The following BICD1 variants were observed in gnomAD, a reference collection of about 807,000 sequenced individuals.
BICD1 encodes protein bicaudal D homolog 1.
Under a neutral mutation model 92.5 loss-of-function variants are expected in BICD1, and 35 were observed. That is an observed-to-expected ratio of 0.38 (90% CI 0.29 to 0.50). The LOEUF (loss-of-function observed/expected upper bound fraction) is 0.50. BICD1 is among the 20% of genes least tolerant of loss of function. BICD1 has a pLI of 0.93. For missense variants in BICD1, 950 were observed against 1,189.8 expected, an observed-to-expected ratio of 0.80 and a Z score of 2.97; for synonymous variants, 429 against 465.1, an observed-to-expected ratio of 0.92 and a Z score of 1.00.
chr12:32,292,838 G>A (rs1467967434), intron 2 of BICD1, among the ~76,000 whole-genome samples: 2 of 152,040 alleles, frequency 1.3e-5, no homozygotes, highest in South Asian at 2.1e-4. Context: ...ATCTTTCCAT[G>A]ACTATGAATA....
chr12:32,369,830 C>T lies in BICD1; in HGVS notation c.2840+2085C>T, dbSNP rs373740848. 4.0e-5 allele frequency among the ~76,000 whole-genome samples: 6 copies of T among 151,850 alleles called. No individual in the cohort carries two copies. In the South Asian group the frequency reaches 6.2e-4, roughly 16 times the overall value. On this transcript the variant is annotated intron_variant, in intron 9 of 9. Transcript: ENST00000652176. ...CTGAGGTTGGAGGGTCACTTGAGCT[C>T]GGGAGGTCAAGACTGCAGCAAGCTG...
At chr12:32,312,694 G>A (rs934493602) in intron 4 of BICD1, among the ~76,000 whole-genome samples, 8 of 152,114 alleles carry the variant, frequency 5.3e-5, no homozygotes, top group African/African-American at 1.9e-4. Flanking sequence ...AGCTAATCAT[G>A]CTAAGTTTCA....
At chr12:32,147,319 C>A (rs773352457) in intron 1 of BICD1, among the ~76,000 whole-genome samples, 9 of 152,140 alleles carry the variant, frequency 5.9e-5, no homozygotes, top group Non-Finnish European at 1.0e-4. Flanking sequence ...TTGAGAGACT[C>A]ACAGGAACAA....
chr12:32,197,543 G>A (rs372440016), intron 1 of BICD1, among the ~76,000 whole-genome samples: 3 of 152,172 alleles, frequency 2.0e-5, no homozygotes, highest in African/African-American at 7.2e-5. Context: ...AGTGGAGGAA[G>A]TAACTGACAA....
intron 8 of BICD1, chr12:32,339,679 T>C: frequency 1.0e-6 from 1 of 985,314 alleles, no homozygotes. Context: ...TTCTTGCAAA[T>C]AAAAATCATC....
intron 2 of BICD1, among the ~76,000 whole-genome samples, chr12:32,225,782 G>A (rs960531220): frequency 1.3e-5 from 2 of 151,596 alleles, no homozygotes; most frequent in African/African-American, 2.4e-5. Context: ...AACCACACCC[G>A]GCTAATTTTT....
intron 6 of BICD1, among the ~76,000 whole-genome samples, chr12:32,336,335 A>G (rs11051946): frequency 0.25 from 37,540 of 152,132 alleles, 5,095 homozygotes; most frequent in East Asian, 0.6. Context: ...AAAGATCACT[A>G]AGCTTATCTT....
chr12:32,219,747 A>AT (rs543313778), intron 2 of BICD1, among the ~76,000 whole-genome samples: 3 of 152,132 alleles, frequency 2.0e-5, no homozygotes, highest in Admixed American at 6.5e-5. Flanking sequence ...ACTAACCTAG[A>AT]TTTTTTTCAT....
chr12:32,286,079 T>C (rs776659946), intron 2 of BICD1, among the ~76,000 whole-genome samples: 27 of 152,222 alleles, frequency 1.8e-4, no homozygotes, highest in African/African-American at 7.2e-5. Flanking sequence ...CTCTTCCTTG[T>C]CCTTAATTAG....
intron 3 of BICD1, among the ~76,000 whole-genome samples, chr12:32,299,591 C>T (rs116559551): frequency 0.012 from 1,871 of 152,176 alleles, 34 homozygotes; most frequent in African/African-American, 0.043. Flanking sequence ...GGGCCAGGCA[C>T]GGTGGCTCAC....
intron 2 of BICD1, among the ~76,000 whole-genome samples, chr12:32,244,823 TTCA>T (rs1946331037): frequency 1.3e-5 from 2 of 152,108 alleles, no homozygotes; most frequent in South Asian, 4.1e-4. Context: ...GAAATGGGGT[TTCA>T]CCATGTTGGC....
chr12:32,269,449 C>T (rs968378638), intron 2 of BICD1, among the ~76,000 whole-genome samples: 1 of 152,164 alleles, frequency 6.6e-6, no homozygotes, highest in Non-Finnish European at 1.5e-5. Flanking sequence ...TAAGTGAGAA[C>T]TTTAACAGTA....
chr12:32,261,244 A>G (rs549581480), intron 2 of BICD1, among the ~76,000 whole-genome samples: 3 of 152,164 alleles, frequency 2.0e-5, no homozygotes, highest in African/African-American at 7.2e-5. Flanking sequence ...ACTTACAAAA[A>G]TTTCTCCTAG....
At chr12:32,302,316 A>G (rs1464913973) in intron 3 of BICD1, among the ~76,000 whole-genome samples, 1 of 152,232 alleles carries the variant, frequency 6.6e-6, no homozygotes, top group African/African-American at 2.4e-5. Flanking sequence ...GCACATCTAT[A>G]GGCTCGATGG....
At chr12:32,132,709 A>G (rs1264356482) in intron 1 of BICD1, among the ~76,000 whole-genome samples, 1 of 152,206 alleles carries the variant, frequency 6.6e-6, no homozygotes, top group Non-Finnish European at 1.5e-5. Flanking sequence ...TGAGAGGGGC[A>G]GTGGAGAGGG....
intron 1 of BICD1, among the ~76,000 whole-genome samples, chr12:32,151,694 A>C (rs1358835359): frequency 1.3e-5 from 2 of 152,208 alleles, no homozygotes; most frequent in East Asian, 3.9e-4. Context: ...TGGTGATAAC[A>C]GGGACAGCAG....
chr12:32,162,434 A>G (rs1943626395), intron 1 of BICD1, among the ~76,000 whole-genome samples: 1 of 152,226 alleles, frequency 6.6e-6, no homozygotes, highest in Non-Finnish European at 1.5e-5. Context: ...GTGATTAAGT[A>G]TGGGCTCCAG....
intron 1 of BICD1, among the ~76,000 whole-genome samples, chr12:32,214,572 A>G (rs1945300435): frequency 6.6e-6 from 1 of 152,168 alleles, no homozygotes; most frequent in African/African-American, 2.4e-5. Context: ...CCTGGCATTC[A>G]TTATCTACAA....
chr12:32,230,089 C>T (rs781471849), intron 2 of BICD1, among the ~76,000 whole-genome samples: 20 of 152,088 alleles, frequency 1.3e-4, no homozygotes, highest in Non-Finnish European at 2.4e-4. Flanking sequence ...TCCATCTCCT[C>T]ACTGCGGTGG....
Sources: gnomAD v4.1 joint callset for allele counts (sites outside exome capture counted in the v4.1 genomes callset) on GRCh38, gnomAD v4.1.1 for gene constraint, MANE v1.5 for transcripts, NCBI Gene and HGNC (gene_info 2026-07-23, HGNC 2026-07-21) for gene names.